Variants in TMTC1 observed in about 807,000 individuals in gnomAD.
TMTC1 encodes the protein protein O-mannosyl-transferase TMTC1.
A neutral mutation model predicts 104.8 loss-of-function variants in TMTC1; 73 were observed. The ratio of observed to expected loss-of-function variants is 0.70; its 90% CI spans 0.58 to 0.85. The LOEUF is 0.85. Among genes scored for constraint, TMTC1 ranks in the 40% least tolerant of loss-of-function variants. The pLI is 0.00. For missense variants in TMTC1, 1,035 were observed against 1,096.1 expected (o/e 0.94, Z 0.79); for synonymous variants, 434 against 428.7 (o/e 1.01, Z -0.15).
At chr12:29,565,894 C>CAT (rs1413126162) in intron 9 of TMTC1, among the ~76,000 whole-genome samples, 8 of 152,178 alleles carry the variant, frequency 5.3e-5, no homozygotes, top group African/African-American at 9.7e-5. Context: ...TTACATGTAG[C>CAT]ATTGTTCCAT....
rs376462266 is a variant in TMTC1 at position 29,556,838 on chromosome 12, T to C, written c.1676+19A>G. ...TGGAATCGCAAGGCCACCTGATCGATGGTAAACGTCCCACTTACTTGAGGA... is the reference window on the plus strand; with the variant it reads ...TGGAATCGCAAGGCCACCTGATCGACGGTAAACGTCCCACTTACTTGAGGA... On this transcript the variant is annotated intron_variant, in intron 10 of 17. Transcript: ENST00000539277. 44 of 1,613,448 alleles carry C rather than the reference T, an allele frequency of 2.7e-5. No individual in the cohort carries two copies. In the African/African-American group the frequency reaches 4.7e-4, roughly 17 times the overall value.
Position 29,658,127 on chromosome 12 carries a change from G to A in TMTC1, c.939-24791C>T, listed in dbSNP as rs569981974. On this transcript the variant is annotated intron_variant, in intron 5 of 17. Transcript: ENST00000539277. ...AAAACAAAAACAAAAAACAAAAAACGAAATCTAACAATCTGTTGTCCCTAA... is the reference window on the plus strand; with the variant it reads ...AAAACAAAAACAAAAAACAAAAAACAAAATCTAACAATCTGTTGTCCCTAA... Among the ~76,000 whole-genome samples the A allele has an allele frequency of 7.9e-5, 12 of 151,624 alleles. No homozygotes were observed. In the East Asian group the frequency reaches 9.7e-4, roughly 12 times the overall value.
chr12:29,641,329 T>C (rs975491336), intron 5 of TMTC1: 2 of 152,336 alleles, frequency 1.3e-5, no homozygotes, highest in African/African-American at 4.8e-5. Context: ...AGAACCCTCA[T>C]GGAGTCCATT....
chr12:29,702,469 T>G (rs567174654), intron 5 of TMTC1, among the ~76,000 whole-genome samples: 40 of 152,284 alleles, frequency 2.6e-4, no homozygotes, highest in Admixed American at 2.1e-3. Flanking sequence ...GAGGTTTCCC[T>G]CATTCCCTGG....
intron 5 of TMTC1, among the ~76,000 whole-genome samples, chr12:29,649,727 A>G (rs1939429777): frequency 6.6e-6 from 1 of 152,216 alleles, no homozygotes; most frequent in Non-Finnish European, 1.5e-5. Context: ...TGAAGACAGA[A>G]AATTGGACAA....
intron 5 of TMTC1, among the ~76,000 whole-genome samples, chr12:29,686,683 G>T (rs1941104834): frequency 6.7e-6 from 1 of 149,964 alleles, no homozygotes; most frequent in African/African-American, 2.5e-5. Flanking sequence ...ATCTCACCCT[G>T]GACTGGGCTT....
chr12:29,630,680 G>C (rs958634881), intron 6 of TMTC1, among the ~76,000 whole-genome samples: 3 of 152,102 alleles, frequency 2.0e-5, no homozygotes, highest in African/African-American at 7.2e-5. Context: ...TGCATGTTAG[G>C]TCATTAGATT....
intron 9 of TMTC1, among the ~76,000 whole-genome samples, chr12:29,570,818 T>G (rs2710775): frequency 0.67 from 89,849 of 134,910 alleles, 27,700 homozygotes; most frequent in South Asian, 0.73. Flanking sequence ...CACTCCAGCC[T>G]GGGTGACAGA....
At chr12:29,568,783 C>CTGAG (rs2136290983) in intron 9 of TMTC1, 1 of 386,698 alleles carries the variant, frequency 2.6e-6, no homozygotes, top group East Asian at 7.2e-5. Flanking sequence ...GGCTTATTAG[C>CTGAG]TGAGGCATTT....
intron 7 of TMTC1, among the ~76,000 whole-genome samples, chr12:29,603,721 C>T (rs1475442134): frequency 6.6e-6 from 1 of 152,062 alleles, no homozygotes; most frequent in African/African-American, 2.4e-5. Context: ...TTGTTCTTTT[C>T]CCAAGGACAA....
At chr12:29,696,766 C>T (rs1941436647) in intron 5 of TMTC1, among the ~76,000 whole-genome samples, 1 of 151,854 alleles carries the variant, frequency 6.6e-6, no homozygotes. Flanking sequence ...AAGAAAGAAA[C>T]CTAATATATG....
At chr12:29,591,407 A>T (rs1946278334) in intron 7 of TMTC1, among the ~76,000 whole-genome samples, 1 of 152,134 alleles carries the variant, frequency 6.6e-6, no homozygotes, top group Non-Finnish European at 1.5e-5. Context: ...CTGGTGAAGG[A>T]GGTTCTGGGC....
At chr12:29,779,873 A>G (rs1410983720) in intron 1 of TMTC1, among the ~76,000 whole-genome samples, 1 of 152,220 alleles carries the variant, frequency 6.6e-6, no homozygotes, top group African/African-American at 2.4e-5. Flanking sequence ...ACAAAGGCAC[A>G]TTTACCAAAC....
chr12:29,751,844 G>C lies in TMTC1; in HGVS notation c.760C>G (p.Pro254Ala). ...SSNGALCPRSPQQPGSPQPSS... is the reference protein window; with the variant it reads ...SSNGALCPRSAQQPGSPQPSS... Reference sequence around the variant, plus strand: ...GGCTGGGGGCTCCCGGGCTGCTGTGGGCTGCGTGGACAGAGGGCCCCATTG... The same window carrying C: ...GGCTGGGGGCTCCCGGGCTGCTGTGCGCTGCGTGGACAGAGGGCCCCATTG... Residue 254 changes from proline to alanine, a missense_variant, in exon 5 of 18, where the codon CCA becomes GCA. Pro to Ala is a conservative substitution (Grantham distance 27). Transcript: ENST00000539277. 1 of 1,589,280 alleles carries C rather than the reference G, an allele frequency of 6.3e-7. No individual in the cohort carries two copies. Among genetic ancestry groups the C allele is most frequent in the South Asian group, 1.1e-5 (1 of 88,290 alleles).
At chr12:29,603,871 T>C (rs1946628794) in intron 7 of TMTC1, among the ~76,000 whole-genome samples, 2 of 152,216 alleles carry the variant, frequency 1.3e-5, no homozygotes, top group South Asian at 2.1e-4. Flanking sequence ...TTCTGTTTAA[T>C]AACACCCATT....
intron 10 of TMTC1, among the ~76,000 whole-genome samples, chr12:29,551,075 A>G (rs1396413178): frequency 6.6e-6 from 1 of 151,882 alleles, no homozygotes; most frequent in Non-Finnish European, 1.5e-5. Flanking sequence ...GGTGGAGGGA[A>G]CAGGTCACTA....
intron 6 of TMTC1, among the ~76,000 whole-genome samples, chr12:29,611,004 T>C (rs759625383): frequency 6.6e-6 from 1 of 152,216 alleles, no homozygotes; most frequent in Non-Finnish European, 1.5e-5. Context: ...AAAAGTAGAC[T>C]TGTATACTTG....
intron 6 of TMTC1, among the ~76,000 whole-genome samples, chr12:29,616,438 G>A (rs557544210): frequency 3.9e-5 from 6 of 152,184 alleles, no homozygotes; most frequent in Admixed American, 2.0e-4. Context: ...TTGGGAGGCC[G>A]AAGCAGGTGG....
chr12:29,590,738 T>C (rs1214912204), intron 7 of TMTC1, among the ~76,000 whole-genome samples: 3 of 152,142 alleles, frequency 2.0e-5, no homozygotes, highest in African/African-American at 4.8e-5. Flanking sequence ...TGAGCTGAGA[T>C]TGTGCCACCG....
Sources: gnomAD v4.1 joint callset for allele counts (sites outside exome capture counted in the v4.1 genomes callset) on GRCh38, gnomAD v4.1.1 for gene constraint, MANE v1.5 for transcripts, NCBI Gene and HGNC (gene_info 2026-07-23, HGNC 2026-07-21) for gene names.